Variants in MTTP observed in about 807,000 individuals in gnomAD.
The protein encoded by MTTP is microsomal triglyceride transfer protein.
In MTTP, 49 loss-of-function variants were observed where a neutral mutation model predicts 90.6. That is an observed-to-expected ratio of 0.54 (90% CI 0.43 to 0.69). MTTP has a LOEUF of 0.69. Ranked by LOEUF, MTTP falls within the 30% of genes least tolerant of loss-of-function variation. The probability of loss-of-function intolerance (pLI) is 0.00; values close to 1 mark genes in which losing one functional copy is unlikely to be tolerated. For synonymous variants in MTTP, 347 were observed against 384.2 expected, an observed-to-expected ratio of 0.90 and a Z score of 1.13; for missense variants, 945 against 1,067.5, an observed-to-expected ratio of 0.89 and a Z score of 1.60.
chr4:99,618,960 C>T lies in MTTP; in HGVS notation c.2218-14C>T, dbSNP rs774735385. On this transcript the variant is annotated splice_polypyrimidine_tract_variant and intron_variant, in intron 15 of 17. Coordinates refer to ENST00000265517, the MANE Select transcript of MTTP (RefSeq NM_001386140.1). ...TATTATTTTTATAACTATTATTATGCTTTTTTCTTCTAGGAACTTCAGTTA... is the reference window on the plus strand; with the variant it reads ...TATTATTTTTATAACTATTATTATGTTTTTTTCTTCTAGGAACTTCAGTTA... 8 of 1,609,578 alleles carry T rather than the reference C, an allele frequency of 5.0e-6. No homozygotes were observed. In the East Asian group the frequency reaches 1.1e-4, roughly 22 times the overall value.
At chr4:99,593,004 CT>C (rs1725468608) in intron 6 of MTTP, among the ~76,000 whole-genome samples, 1 of 152,120 alleles carries the variant, frequency 6.6e-6, no homozygotes, top group Admixed American at 6.6e-5. Context: ...GATAGGACAG[CT>C]ATGATGTCAC....
chr4:99,576,370 A>G lies in MTTP; in HGVS notation c.61+1400A>G, dbSNP rs190056200. ...GTTTTCCCATTTTATAAACTAGAACATTGGGTGACCTCATGTTTTCAAATA... is the reference window on the plus strand; with the variant it reads ...GTTTTCCCATTTTATAAACTAGAACGTTGGGTGACCTCATGTTTTCAAATA... On this transcript the variant is annotated intron_variant, in intron 1 of 17. Transcript: ENST00000265517. Among the ~76,000 whole-genome samples, 193 of 152,326 alleles carry G rather than the reference A, an allele frequency of 1.3e-3. 1 individual carries two copies. Among genetic ancestry groups the G allele is most frequent in the Non-Finnish European group, 1.3e-3 (88 of 68,026 alleles).
Position 99,577,612 on chromosome 4 carries a change from AAAAAAAAAAAG to A in MTTP, c.61+2646_61+2656del, listed in dbSNP as rs1462443251. On this transcript the variant is annotated intron_variant, in intron 1 of 17. Transcript: ENST00000265517. Reference sequence around the variant, plus strand: ...AAGAGCGAAACTCTGTTTCAAAAAAAAAAAAAAAAAGAAAGAAAAGAAAGAAAGGAAGGAAG... The same window carrying A: ...AAGAGCGAAACTCTGTTTCAAAAAAAAAAGAAAAGAAAGAAAGGAAGGAAG... Among the ~76,000 whole-genome samples the A allele has an allele frequency of 7.8e-4, 117 of 149,682 alleles. 1 individual carries two copies. The highest frequency in any genetic ancestry group is 2.6e-3 in the African/African-American group (108 of 41,014).
chr4:99,578,947 C>T (rs905750967), intron 1 of MTTP, among the ~76,000 whole-genome samples: 1 of 152,092 alleles, frequency 6.6e-6, no homozygotes. Context: ...GCCTCCTGAC[C>T]GAAATATTTT....
intron 15 of MTTP, among the ~76,000 whole-genome samples, chr4:99,613,820 G>A (rs1195483936): frequency 6.6e-6 from 1 of 152,132 alleles, no homozygotes; most frequent in Non-Finnish European, 1.5e-5. Flanking sequence ...AGATTTAAGT[G>A]GCCAAGATAC....
intron 11 of MTTP, among the ~76,000 whole-genome samples, chr4:99,608,418 C>T (rs1473042536): frequency 6.6e-6 from 1 of 152,132 alleles, no homozygotes; most frequent in Non-Finnish European, 1.5e-5. Flanking sequence ...GCACTCCAGC[C>T]TGGGCAACAA....
Position 99,597,533 on chromosome 4 carries a change from T to C in MTTP, c.1067+309T>C, listed in dbSNP as rs1725587720. Among the ~76,000 whole-genome samples, 5 of 152,322 alleles carry C rather than the reference T, an allele frequency of 3.3e-5. No homozygotes were observed. The South Asian group carries it at 1.0e-3, about 32-fold the overall frequency. ...GGCTTCGTCGTGACATCGTGGGGCA[T>C]GTGCTGCCTCGCTGTTTTTGAAATT... On this transcript the variant is annotated intron_variant, in intron 8 of 17. Coordinates refer to ENST00000265517, the MANE Select transcript of MTTP (RefSeq NM_001386140.1).
At chr4:99,596,384 AG>A (rs1725552827) in intron 7 of MTTP, among the ~76,000 whole-genome samples, 1 of 152,196 alleles carries the variant, frequency 6.6e-6, no homozygotes, top group South Asian at 2.1e-4. Flanking sequence ...ACTATTTATT[AG>A]GTTGTTGCAA....
At chr4:99,573,803 A>C, upstream of MTTP, among the ~76,000 whole-genome samples, 1 of 152,192 alleles carries the variant, frequency 6.6e-6, no homozygotes, top group East Asian at 1.9e-4. Flanking sequence ...AAATACATTC[A>C]AATAGCCCTT....
chr4:99,581,533 C>G (rs1396070782), intron 1 of MTTP, among the ~76,000 whole-genome samples: 2 of 152,054 alleles, frequency 1.3e-5, no homozygotes, highest in Non-Finnish European at 2.9e-5. Flanking sequence ...TTACGAATGG[C>G]TCATATTAAA....
chr4:99,575,080 T>C (rs1274827485), intron 1 of MTTP, 110 bp downstream of exon 1: 7 of 1,237,882 alleles, frequency 5.7e-6, no homozygotes, highest in Non-Finnish European at 8.3e-6. Context: ...AGTTTCTGAC[T>C]AAACTATCTT....
chr4:99,620,460 T>A lies in MTTP; in HGVS notation c.2343-601T>A, dbSNP rs531483657. On this transcript the variant is annotated intron_variant, in intron 16 of 17. Coordinates refer to ENST00000265517, the MANE Select transcript of MTTP (RefSeq NM_001386140.1). ...TCTGTTTATCCAGTTATCTAGAGCA[T>A]CATTAAAGGACCCACCATATTTTTC... is the stretch of plus-strand genomic sequence containing the variant. 7.2e-5 allele frequency among the ~76,000 whole-genome samples: 11 copies of A among 152,328 alleles called. No individual in the cohort carries two copies. In the South Asian group the frequency reaches 2.3e-3, roughly 32 times the overall value.
intron 10 of MTTP, among the ~76,000 whole-genome samples, chr4:99,603,501 G>A (rs576727246): frequency 1.2e-3 from 188 of 152,258 alleles, no homozygotes; most frequent in African/African-American, 4.0e-3. Flanking sequence ...TAATGTAGGG[G>A]CAGAGGGCTG....
At chr4:99,581,458 G>T (rs1396646390) in intron 1 of MTTP, among the ~76,000 whole-genome samples, 1 of 152,192 alleles carries the variant, frequency 6.6e-6, no homozygotes, top group East Asian at 1.9e-4. Context: ...CCAAATTAAA[G>T]AACTTCCTTC....
intron 8 of MTTP, among the ~76,000 whole-genome samples, chr4:99,599,798 CAAGTAT>C (rs1009665648): frequency 3.3e-5 from 5 of 152,098 alleles, no homozygotes; most frequent in African/African-American, 4.8e-5. Context: ...CAAAATAGTA[CAAGTAT>C]ATCATTTTTT....
At chr4:99,575,606 A>C (rs1724937267) in intron 1 of MTTP, among the ~76,000 whole-genome samples, 1 of 152,218 alleles carries the variant, frequency 6.6e-6, no homozygotes, top group South Asian at 2.1e-4. Flanking sequence ...TTTTAAGATG[A>C]AATTAATTTT....
rs745438490 is a variant in MTTP at position 99,621,097 on chromosome 4, C to T, written c.2379C>T (p.Asp793=). The T allele has an allele frequency of 6.2e-7, 1 of 1,614,092 alleles. No individual in the cohort carries two copies. Among genetic ancestry groups the T allele is most frequent in the Non-Finnish European group, 8.5e-7 (1 of 1,179,982 alleles). Residue 793 remains aspartate, a synonymous_variant, in exon 17 of 18, where the codon GAC becomes GAT. Transcript: ENST00000265517. The part of the protein sequence containing the change: ...TVVITTDITV[D]SSFVKAGLET... The stretch of plus-strand genomic sequence containing the variant: ...TAATAACCACTGACATCACAGTGGA[C>T]TCCTCTTTTGTGAAAGCTGGCCTGG...
chr4:99,578,153 A>G (rs1474624011), intron 1 of MTTP, among the ~76,000 whole-genome samples: 2 of 152,196 alleles, frequency 1.3e-5, no homozygotes, highest in Admixed American at 1.3e-4. Context: ...AATCTGACAA[A>G]GGAGTATTTA....
Position 99,608,862 on chromosome 4 carries a change from C to G in MTTP, c.1654C>G (p.Pro552Ala). The G allele has an allele frequency of 3.7e-6, 6 of 1,614,064 alleles. No homozygotes were observed. The highest frequency in any genetic ancestry group is 5.1e-6 in the Non-Finnish European group (6 of 1,179,952). Residue 552 changes from proline (P) to alanine (A), a missense_variant, in exon 12 of 18, where the codon CCA becomes GCA. Transcript: ENST00000265517. ...AAAAIILNNN[P>A]SYMDVKNILL... ...AGCTGCTATCATTTTAAATAACAAT[C>G]CATCCTACATGGACGTCAAGAACAT...
Sources: gnomAD v4.1 joint callset for allele counts (sites outside exome capture counted in the v4.1 genomes callset) on GRCh38, gnomAD v4.1.1 for gene constraint, MANE v1.5 for transcripts, NCBI Gene and HGNC (gene_info 2026-07-23, HGNC 2026-07-21) for gene names.